The following DMD variants were observed in gnomAD, a reference collection of about 807,000 sequenced individuals.
The protein encoded by DMD is dystrophin.
A neutral mutation model predicts 330.1 loss-of-function variants in DMD; 63 were observed. The ratio of observed to expected loss-of-function variants is 0.19; its 90% CI spans 0.16 to 0.24. The LOEUF (loss-of-function observed/expected upper bound fraction) is 0.24. DMD is among the 10% of genes least tolerant of loss of function. DMD has a pLI of 1.00. For synonymous variants in DMD, 1,223 were observed against 959.8 expected (o/e 1.27, Z -5.07); for missense variants, 3,344 against 2,684.1 (o/e 1.25, Z -5.43).
intron 47 of DMD, among the ~76,000 whole-genome samples, chrX:31,927,148 T>C (rs1037112358): frequency 8.9e-6 from 1 of 112,463 alleles, no homozygotes; most frequent in African/African-American, 3.2e-5. Context: ...GATTAAATAA[T>C]TTTAATATGA....
intron 60 of DMD, among the ~76,000 whole-genome samples, chrX:31,401,569 T>A (rs1386011575): frequency 1.8e-5 from 2 of 111,448 alleles, no homozygotes; most frequent in Non-Finnish European, 3.8e-5. Context: ...ACATAGGTAC[T>A]ATTCACAGTC....
At chrX:32,781,322 G>A (rs896404353) in intron 7 of DMD, among the ~76,000 whole-genome samples, 1 of 110,683 alleles carries the variant, frequency 9.0e-6, no homozygotes, top group African/African-American at 3.3e-5. Context: ...TTTTTTGAAG[G>A]TTAGGAATTT....
intron 50 of DMD, among the ~76,000 whole-genome samples, chrX:31,794,497 G>C (rs2091730319): frequency 9.0e-6 from 1 of 111,512 alleles, no homozygotes; most frequent in Non-Finnish European, 1.9e-5. Context: ...AAATTATTAA[G>C]AACCTCTGAT....
intron 60 of DMD, among the ~76,000 whole-genome samples, chrX:31,390,227 G>A (rs1045952254): frequency 8.3e-5 from 9 of 108,338 alleles, no homozygotes; most frequent in Admixed American, 8.0e-4. Context: ...ATATTCTTTT[G>A]ATTTTTGACT....
intron 59 of DMD, among the ~76,000 whole-genome samples, chrX:31,447,550 T>C (rs1405639145): frequency 9.0e-6 from 1 of 111,005 alleles, no homozygotes; most frequent in Non-Finnish European, 1.9e-5. Context: ...TAAAGAAAGA[T>C]TTCCTAAATC....
At chrX:31,951,123 A>ATGTG (rs2095158898) in intron 45 of DMD, among the ~76,000 whole-genome samples, 4 of 60,887 alleles carry the variant, frequency 6.6e-5, no homozygotes, top group Admixed American at 3.4e-4. Flanking sequence ...ATATATATAC[A>ATGTG]TATATATATA....
At chrX:32,436,472 T>C (rs919338115) in intron 29 of DMD, among the ~76,000 whole-genome samples, 25 of 111,682 alleles carry the variant, frequency 2.2e-4, no homozygotes, top group African/African-American at 8.1e-4. Context: ...TCAGGGTATG[T>C]TGCTGAAATG....
At chrX:31,198,214 T>A (rs2043107534) in intron 67 of DMD, among the ~76,000 whole-genome samples, 1 of 110,628 alleles carries the variant, frequency 9.0e-6, no homozygotes, top group Non-Finnish European at 1.9e-5. Context: ...AATATATTTT[T>A]AAATCTTTTT....
intron 53 of DMD, among the ~76,000 whole-genome samples, chrX:31,662,222 A>G (rs2081168832): frequency 8.9e-6 from 1 of 111,895 alleles, no homozygotes; most frequent in Non-Finnish European, 1.9e-5. Flanking sequence ...GTTAACTTAG[A>G]GAATTCAGGG....
intron 7 of DMD, among the ~76,000 whole-genome samples, chrX:32,784,572 A>AT (rs1383754126): frequency 8.9e-6 from 1 of 112,074 alleles, no homozygotes; most frequent in Admixed American, 9.5e-5. Context: ...TTATCACTTA[A>AT]GAAATCAATT....
At chrX:32,387,521 T>G (rs2097967695) in intron 32 of DMD, among the ~76,000 whole-genome samples, 1 of 111,233 alleles carries the variant, frequency 9.0e-6, no homozygotes, top group African/African-American at 3.3e-5. Flanking sequence ...TTGGGTTTAA[T>G]TTCTCTTTTC....
At chrX:32,092,041 C>T (rs1288859732) in intron 44 of DMD, among the ~76,000 whole-genome samples, 3 of 111,673 alleles carry the variant, frequency 2.7e-5, no homozygotes, top group Non-Finnish European at 5.6e-5. Flanking sequence ...TTAAAATTTG[C>T]CTAGAGAGCA....
rs375709725 is a variant in DMD, at chrX:33,184,763, G to A, written c.31+26519C>T. Among the ~76,000 whole-genome samples the A allele has an allele frequency of 6.2e-3, 499 of 80,909 alleles. 1 individual carries two copies. The highest frequency in any genetic ancestry group is 0.023 in the African/African-American group (453 of 19,759). The allele number at this position is 80,909 out of a possible 115,157, so 70.3% of individuals were successfully genotyped here. ...TTTTGAGACAGAGTCTCGCTCTGTCGCCCAGGCTGGAGTGCCATGGCACGA... is the reference window on the plus strand; with the variant it reads ...TTTTGAGACAGAGTCTCGCTCTGTCACCCAGGCTGGAGTGCCATGGCACGA... On this transcript the variant is annotated intron_variant, in intron 1 of 78. Coordinates refer to ENST00000357033, the MANE Select transcript of DMD (RefSeq NM_004006.3).
intron 21 of DMD, among the ~76,000 whole-genome samples, chrX:32,482,942 T>A (rs1304424714): frequency 9.3e-6 from 1 of 107,830 alleles, no homozygotes; most frequent in Non-Finnish European, 1.9e-5. Flanking sequence ...GAAATAAAAG[T>A]CAGTATGGAT....
rs72468656 is a variant in DMD at position 32,441,332 on chromosome X, A to G, written c.3787-18T>C. On this transcript the variant is annotated intron_variant, in intron 27 of 78. Coordinates refer to ENST00000357033, the MANE Select transcript of DMD (RefSeq NM_004006.3). ...CAAACTTCCTAAGAAAGAAATATAT[A>G]TCACAGATTAAATATTATGGTAGAA... is the stretch of plus-strand genomic sequence containing the variant. The G allele has an allele frequency of 7.2e-3, 8,620 of 1,194,842 alleles. 38 individuals carry two copies. Among genetic ancestry groups the G allele is most frequent in the Middle Eastern group, 9.8e-3 (41 of 4,192 alleles).
intron 60 of DMD, among the ~76,000 whole-genome samples, chrX:31,438,324 G>A (rs2064687748): frequency 9.0e-6 from 1 of 111,357 alleles, no homozygotes; most frequent in Non-Finnish European, 1.9e-5. Context: ...TAGAACAGGG[G>A]TTATCAAAGT....
chrX:31,307,017 A>G (rs1326573631), intron 62 of DMD, among the ~76,000 whole-genome samples: 1 of 111,180 alleles, frequency 9.0e-6, no homozygotes, highest in Admixed American at 9.6e-5. Flanking sequence ...CTGTAAGGGT[A>G]TGGCCCATAC....
intron 18 of DMD, among the ~76,000 whole-genome samples, chrX:32,511,524 GAAAAAAAAAAAA>G (rs67754841): frequency 1.4e-4 from 7 of 49,789 alleles, no homozygotes; most frequent in Non-Finnish European, 2.1e-4. Context: ...TCCGTCTCGG[GAAAAAAAAAAAA>G]AAAAAAAAAA....
At chrX:31,484,958 GA>G (rs926556256) in intron 57 of DMD, among the ~76,000 whole-genome samples, 2 of 112,037 alleles carry the variant, frequency 1.8e-5, no homozygotes, top group African/African-American at 3.2e-5. Context: ...TTGAGATACA[GA>G]TAAGTTAGGG....
Sources: allele counts gnomAD v4.1 joint callset (sites outside exome capture counted in the v4.1 genomes callset), GRCh38; gene constraint gnomAD v4.1.1; transcripts MANE v1.5; gene names NCBI Gene and HGNC (gene_info 2026-07-23, HGNC 2026-07-21).